RBM6: variants seen among roughly 807,000 people sequenced by gnomAD.
RBM6 encodes RNA binding motif protein 6, also known as RNA-binding protein 6.
Under a neutral mutation model 140.4 loss-of-function variants are expected in RBM6, and 23 were observed. The observed-to-expected ratio is 0.16, with a 90% CI of 0.12 to 0.23. The LOEUF (loss-of-function observed/expected upper bound fraction) is 0.23, where lower values mean the gene tolerates loss of function less well. Ranked by LOEUF, RBM6 falls within the 10% of genes least tolerant of loss-of-function variation. The pLI, the probability that RBM6 is intolerant of heterozygous loss-of-function variation, is 1.00. For synonymous variants in RBM6, 439 were observed against 475.6 expected, an observed-to-expected ratio of 0.92 and a Z score of 1.00; for missense variants, 1,139 against 1,386.7, an observed-to-expected ratio of 0.82 and a Z score of 2.84.
At chr3:50,037,436 T>C (rs929541332) in intron 6 of RBM6, among the ~76,000 whole-genome samples, 1 of 152,100 alleles carries the variant, frequency 6.6e-6, no homozygotes, top group African/African-American at 2.4e-5. Flanking sequence ...GTCACCTCCC[T>C]AAAATATTAG....
At chr3:49,950,130 G>A (rs2083670787) in intron 1 of RBM6, among the ~76,000 whole-genome samples, 1 of 152,116 alleles carries the variant, frequency 6.6e-6, no homozygotes, top group Non-Finnish European at 1.5e-5. Flanking sequence ...TTAAAAGCTT[G>A]TAGTTGGATC....
At chr3:49,975,539 T>C in intron 5 of RBM6, 147 bp downstream of exon 5, 1 of 676,620 alleles carries the variant, frequency 1.5e-6, no homozygotes, top group East Asian at 2.6e-5. Context: ...ACAACCAGCT[T>C]TAGTTTTAGC....
chr3:50,049,303 G>C (rs1368160099), intron 7 of RBM6, among the ~76,000 whole-genome samples: 1 of 151,696 alleles, frequency 6.6e-6, no homozygotes, highest in Non-Finnish European at 1.5e-5. Context: ...GTAGAGATGG[G>C]GTTTCACCAT....
intron 1 of RBM6, among the ~76,000 whole-genome samples, chr3:49,954,904 G>A (rs1041712259): frequency 5.3e-5 from 8 of 151,718 alleles, no homozygotes; most frequent in South Asian, 2.1e-4. Context: ...GACTGCAGGC[G>A]CACACTGCCA....
intron 1 of RBM6, among the ~76,000 whole-genome samples, chr3:49,942,217 C>T (rs2083315661): frequency 1.3e-5 from 2 of 151,782 alleles, no homozygotes; most frequent in South Asian, 2.1e-4. Context: ...CAGCCAGGCA[C>T]GGTGGCTCAC....
chr3:49,993,496 G>A (rs1230107631), intron 5 of RBM6, among the ~76,000 whole-genome samples: 1 of 152,090 alleles, frequency 6.6e-6, no homozygotes, highest in African/African-American at 2.4e-5. Context: ...ACAAAAATTA[G>A]CTGGGCATGG....
intron 7 of RBM6, among the ~76,000 whole-genome samples, chr3:50,052,976 A>C (rs2089532916): frequency 7.2e-6 from 1 of 138,728 alleles, no homozygotes; most frequent in Non-Finnish European, 1.5e-5. Context: ...GCCATTTGGC[A>C]GTGGGCAGGG....
chr3:50,044,748 A>G (rs1294360379), intron 6 of RBM6, among the ~76,000 whole-genome samples: 1 of 152,198 alleles, frequency 6.6e-6, no homozygotes, highest in Non-Finnish European at 1.5e-5. Flanking sequence ...TGTATGTCAT[A>G]CCTGTGCTTG....
rs374241916 is a variant in RBM6 at position 49,968,515 on chromosome 3, G to A, written c.1090G>A (p.Val364Ile). The change falls in exon 3 of 21, where the codon GTT becomes ATT. Residue 364 changes from valine to isoleucine, a missense_variant. Coordinates refer to ENST00000266022, the MANE Select transcript of RBM6 (RefSeq NM_005777.3). ...AGACTTTCAGAACAGCCAAAGTCCA[G>A]TTCAAGACCAAGATAAGTCACAGCT... ...PADFQNSQSP[V>I]QDQDKSQLSG... is the part of the protein sequence containing the mutation. The A allele has an allele frequency of 6.2e-6, 10 of 1,614,102 alleles. No individual in the cohort carries two copies. Among genetic ancestry groups the A allele is most frequent in the Non-Finnish European group, 8.5e-6 (10 of 1,180,056 alleles).
Position 49,968,724 on chromosome 3 carries a change from C to T in RBM6, c.1299C>T (p.Ala433=), listed in dbSNP as rs1231744563. ...AGTCTTTTCCAGAGGGCAAAACTGC[C>T]CGAGATGCCCAACGGGACCTTCAGG... ...QSKSFPEGKT[A]RDAQRDLQDQ... Residue 433 remains alanine, a synonymous_variant, in exon 3 of 21, where the codon GCC becomes GCT. Coordinates refer to ENST00000266022, the MANE Select transcript of RBM6 (RefSeq NM_005777.3). 1 of 1,611,564 alleles carries T rather than the reference C, an allele frequency of 6.2e-7. No homozygotes were observed. The highest frequency in any genetic ancestry group is 8.5e-7 in the Non-Finnish European group (1 of 1,179,020).
chr3:50,008,814 G>A (rs967141699), intron 6 of RBM6, among the ~76,000 whole-genome samples: 2 of 152,128 alleles, frequency 1.3e-5, no homozygotes, highest in African/African-American at 4.8e-5. Flanking sequence ...GCCTTTCAAA[G>A]TGTTGGGATT....
At chr3:50,056,990 G>A (rs1365314017) in intron 8 of RBM6, among the ~76,000 whole-genome samples, 1 of 152,154 alleles carries the variant, frequency 6.6e-6, no homozygotes, top group Non-Finnish European at 1.5e-5. Flanking sequence ...AAGAAGCAAG[G>A]CTTCTAGATG....
chr3:50,039,891 CTT>C (rs1356408014), intron 6 of RBM6, among the ~76,000 whole-genome samples: 1 of 152,142 alleles, frequency 6.6e-6, no homozygotes, highest in Admixed American at 6.6e-5. Context: ...TATTTTGCCT[CTT>C]TGTTTTTGCC....
At chr3:50,037,946 T>G (rs889218908) in intron 6 of RBM6, among the ~76,000 whole-genome samples, 1 of 151,528 alleles carries the variant, frequency 6.6e-6, no homozygotes, top group Non-Finnish European at 1.5e-5. Context: ...CTCAGCCTCC[T>G]GAGTAGCTGG....
rs763815283 is a variant in RBM6 at position 50,077,008 on chromosome 3, G to C, written c.3247G>C (p.Ala1083Pro). ...TTCATAGTTTGTCTTTGTTTTACAG[G>C]CTGAAGGCCGGATGAGGGGCCCCAG... ...GHPGLASSEE[A>P]EGRMRGPSVG... Residue 1083 changes from alanine (A) to proline (P), a missense_variant and splice_region_variant, in exon 21 of 21, where the codon GCT becomes CCT. This residue lies in a region of RBM6 where 125 missense variants were observed against 142.0 expected (regional missense o/e 0.88). Coordinates refer to ENST00000266022, the MANE Select transcript of RBM6 (RefSeq NM_005777.3). The C allele has an allele frequency of 6.2e-7, 1 of 1,608,638 alleles. No homozygotes were observed. The highest frequency in any genetic ancestry group is 8.5e-7 in the Non-Finnish European group (1 of 1,178,390).
intron 2 of RBM6, among the ~76,000 whole-genome samples, chr3:49,965,205 T>C (rs1459042138): frequency 1.3e-5 from 2 of 152,226 alleles, no homozygotes; most frequent in African/African-American, 2.4e-5. Context: ...TTAGGCCATG[T>C]TGGATGTGTT....
chr3:50,023,457 C>T (rs1050591066), intron 6 of RBM6, among the ~76,000 whole-genome samples: 2 of 152,058 alleles, frequency 1.3e-5, no homozygotes, highest in Non-Finnish European at 2.9e-5. Context: ...AGGTGCCTGC[C>T]ACCACACCTG....
intron 6 of RBM6, among the ~76,000 whole-genome samples, chr3:50,034,932 C>G (rs1467690461): frequency 6.6e-6 from 1 of 152,032 alleles, no homozygotes; most frequent in Non-Finnish European, 1.5e-5. Flanking sequence ...GCTATGGCTT[C>G]TAACATAGGC....
intron 15 of RBM6, among the ~76,000 whole-genome samples, chr3:50,062,892 C>CTTTTTTTTTTTTTTTTTTTTT (rs36101209): frequency 7.8e-6 from 1 of 128,486 alleles, no homozygotes; most frequent in Non-Finnish European, 1.6e-5. Context: ...TTTCTTTTTC[C>CTTTTTTTTTTTTTTTTTTTTT]TTTTTTTTTT....
Sources: allele counts gnomAD v4.1 joint callset (sites outside exome capture counted in the v4.1 genomes callset), GRCh38; gene constraint gnomAD v4.1.1; regional missense constraint gnomAD v4.1.1; transcripts MANE v1.5; gene names NCBI Gene and HGNC (gene_info 2026-07-23, HGNC 2026-07-21).